The following MTREX variants were observed in gnomAD, a reference collection of about 807,000 sequenced individuals.
MTREX encodes the protein exosome RNA helicase MTR4.
A neutral mutation model predicts 135.4 loss-of-function variants in MTREX; 76 were observed. The ratio of observed to expected loss-of-function variants is 0.56; its 90% CI spans 0.47 to 0.68. The LOEUF (loss-of-function observed/expected upper bound fraction) is 0.68. Ranked by LOEUF, MTREX falls within the 30% of genes least tolerant of loss-of-function variation. The pLI is 0.00. For synonymous variants in MTREX, 404 were observed against 401.6 expected, an observed-to-expected ratio of 1.01 and a Z score of -0.07; for missense variants, 920 against 1,262.1, an observed-to-expected ratio of 0.73 and a Z score of 4.11.
At chr5:55,398,283 G>A (rs1750675886) in intron 20 of MTREX, among the ~76,000 whole-genome samples, 1 of 37,674 alleles carries the variant, frequency 2.7e-5, no homozygotes, top group Admixed American at 4.1e-4. Context: ...TTTTAACGAA[G>A]TTATTTAGTT....
At chr5:55,321,904 G>A (rs910361304) in intron 1 of MTREX, among the ~76,000 whole-genome samples, 5 of 152,040 alleles carry the variant, frequency 3.3e-5, no homozygotes, top group African/African-American at 2.4e-5. Context: ...CACCGTGCCC[G>A]GCTCCAAACG....
At chr5:55,410,375 A>G (rs1031761680) in intron 22 of MTREX, 149 bp from the exon 23 acceptor site, 11 of 426,524 alleles carry the variant, frequency 2.6e-5, no homozygotes, top group African/African-American at 6.1e-5. Context: ...AAGATCTACT[A>G]TGTCCTTAAA....
At chr5:55,339,460 T>C (rs1749608642) in intron 5 of MTREX, among the ~76,000 whole-genome samples, 1 of 152,246 alleles carries the variant, frequency 6.6e-6, no homozygotes, top group Non-Finnish European at 1.5e-5. Flanking sequence ...TTTAATGCTA[T>C]CTGTCTATAT....
intron 21 of MTREX, among the ~76,000 whole-genome samples, chr5:55,402,571 A>G (rs986827345): frequency 6.6e-6 from 1 of 152,226 alleles, no homozygotes; most frequent in East Asian, 1.9e-4. Context: ...AGACTCTGCA[A>G]TAACATGTAA....
Position 55,424,778 on chromosome 5 carries a change from G to A in MTREX, c.*6G>A. On this transcript the variant is annotated 3_prime_UTR_variant, in exon 27 of 27. Coordinates refer to ENST00000230640, the MANE Select transcript of MTREX (RefSeq NM_015360.5). ...CTGCCAGCCTCTACTTGTAGAGTCA[G>A]CTAAAGGAATGTGAGATTTTAAATT... 2 of 1,604,618 alleles carry A rather than the reference G, an allele frequency of 1.2e-6. No individual in the cohort carries two copies. Among genetic ancestry groups the A allele is most frequent in the Non-Finnish European group, 8.5e-7 (1 of 1,171,524 alleles).
chr5:55,380,490 T>C (rs1750378994), intron 18 of MTREX, among the ~76,000 whole-genome samples: 1 of 152,206 alleles, frequency 6.6e-6, no homozygotes, highest in Non-Finnish European at 1.5e-5. Context: ...AAGATAAATA[T>C]TATGTCAAAT....
chr5:55,374,580 G>A (rs1331812826), intron 16 of MTREX, among the ~76,000 whole-genome samples: 3 of 152,028 alleles, frequency 2.0e-5, no homozygotes, highest in African/African-American at 7.2e-5. Context: ...GTGAGCCACT[G>A]TGCCTAGCCA....
intron 23 of MTREX, among the ~76,000 whole-genome samples, chr5:55,412,837 T>A (rs1490176914): frequency 1.3e-5 from 2 of 152,216 alleles, no homozygotes; most frequent in African/African-American, 4.8e-5. Flanking sequence ...TCTTGGGTTC[T>A]TTATTAAACT....
chr5:55,413,252 G>T (rs1455011485), intron 23 of MTREX, among the ~76,000 whole-genome samples: 4 of 150,912 alleles, frequency 2.7e-5, no homozygotes, highest in African/African-American at 9.8e-5. Flanking sequence ...CAGGGGAATC[G>T]CTTGAACCCG....
intron 16 of MTREX, among the ~76,000 whole-genome samples, chr5:55,368,217 AG>A (rs1280276101): frequency 6.6e-6 from 1 of 152,116 alleles, no homozygotes; most frequent in African/African-American, 2.4e-5. Context: ...TGCGAGGCCC[AG>A]GGGGGCAGAT....
intron 10 of MTREX, among the ~76,000 whole-genome samples, chr5:55,346,228 T>G (rs1350284525): frequency 6.6e-6 from 1 of 152,204 alleles, no homozygotes; most frequent in Non-Finnish European, 1.5e-5. Flanking sequence ...ATGTTTCACC[T>G]TTTGAGAAAC....
At chr5:55,365,730 T>C (rs1192797886) in intron 15 of MTREX, among the ~76,000 whole-genome samples, 2 of 152,184 alleles carry the variant, frequency 1.3e-5, no homozygotes, top group Non-Finnish European at 2.9e-5. Context: ...GCGCGGTGGC[T>C]CATGCCTGTA....
intron 9 of MTREX, 81 bp from the exon 10 acceptor site, chr5:55,345,013 T>G: frequency 1.3e-6 from 1 of 786,746 alleles, no homozygotes; most frequent in South Asian, 1.7e-5. Context: ...TATTTTTATT[T>G]GGGGAAGCCT....
At chr5:55,345,967 A>G (rs1469872529) in intron 10 of MTREX, among the ~76,000 whole-genome samples, 3 of 151,922 alleles carry the variant, frequency 2.0e-5, no homozygotes, top group African/African-American at 7.3e-5. Flanking sequence ...GTGCCCGGCT[A>G]TTTTGTTCAT....
intron 16 of MTREX, among the ~76,000 whole-genome samples, chr5:55,377,279 A>G (rs1377304719): frequency 1.3e-5 from 2 of 152,184 alleles, no homozygotes; most frequent in African/African-American, 4.8e-5. Flanking sequence ...GTGAGCCGAG[A>G]TCACGCCACT....
intron 25 of MTREX, among the ~76,000 whole-genome samples, chr5:55,418,878 C>G (rs188065356): frequency 6.1e-4 from 93 of 152,222 alleles, no homozygotes; most frequent in Middle Eastern, 6.8e-3. Flanking sequence ...GGGTCTGGCT[C>G]TGTCACCCAG....
At chr5:55,401,729 C>T (rs1373507460) in intron 21 of MTREX, among the ~76,000 whole-genome samples, 2 of 152,168 alleles carry the variant, frequency 1.3e-5, no homozygotes, top group East Asian at 3.9e-4. Context: ...GCATAATTAG[C>T]TGTAATATCT....
At chr5:55,334,585 A>G (rs1377808681) in intron 5 of MTREX, among the ~76,000 whole-genome samples, 2 of 152,160 alleles carry the variant, frequency 1.3e-5, no homozygotes, top group African/African-American at 2.4e-5. Flanking sequence ...CTATGTGAAT[A>G]GCTTTATTAT....
intron 15 of MTREX, among the ~76,000 whole-genome samples, chr5:55,361,095 A>G (rs182422031): frequency 6.6e-4 from 100 of 152,366 alleles, no homozygotes; most frequent in African/African-American, 2.3e-3. Flanking sequence ...ACTATTTGAC[A>G]TGAGACAACA....
Sources: gnomAD v4.1 joint callset for allele counts (sites outside exome capture counted in the v4.1 genomes callset) on GRCh38, gnomAD v4.1.1 for gene constraint, MANE v1.5 for transcripts, NCBI Gene and HGNC (gene_info 2026-07-23, HGNC 2026-07-21) for gene names.